Variants in COL19A1 observed in about 807,000 individuals in gnomAD.
COL19A1 encodes the protein collagen type XIX alpha 1 chain, also known as collagen alpha-1(XIX) chain.
Under a neutral mutation model 190.2 loss-of-function variants are expected in COL19A1, and 159 were observed. The observed-to-expected ratio is 0.84, with a 90% CI of 0.73 to 0.95. The LOEUF (loss-of-function observed/expected upper bound fraction) is 0.95, where lower values mean the gene tolerates loss of function less well. Among genes scored for constraint, COL19A1 ranks in the 40% least tolerant of loss-of-function variants. The pLI, the probability that COL19A1 is intolerant of heterozygous loss-of-function variation, is 0.00. For synonymous variants in COL19A1, 509 were observed against 458.9 expected, an observed-to-expected ratio of 1.11 and a Z score of -1.39; for missense variants, 1,418 against 1,431.9, an observed-to-expected ratio of 0.99 and a Z score of 0.16.
chr6:70,093,780 A>C (rs1319551118), intron 15 of COL19A1, among the ~76,000 whole-genome samples: 1 of 152,168 alleles, frequency 6.6e-6, no homozygotes, highest in African/African-American at 2.4e-5. Flanking sequence ...TCATTTATTG[A>C]ACTGTAGCTC....
At chr6:70,093,704 G>A (rs564978126) in intron 15 of COL19A1, among the ~76,000 whole-genome samples, 10 of 152,170 alleles carry the variant, frequency 6.6e-5, no homozygotes, top group South Asian at 6.2e-4. Context: ...GTGAATGATC[G>A]GGATACTCAC....
intron 15 of COL19A1, among the ~76,000 whole-genome samples, chr6:70,088,492 C>T (rs1782718734): frequency 6.6e-6 from 1 of 151,996 alleles, no homozygotes; most frequent in African/African-American, 2.4e-5. Flanking sequence ...AATATACACC[C>T]TTCTAAAATA....
At chr6:70,204,269 ATAAATGGGGAAAGCTGTTATTGACCTTGT>A in intron 49 of COL19A1, among the ~76,000 whole-genome samples, 1 of 152,328 alleles carries the variant, frequency 6.6e-6, no homozygotes, top group Non-Finnish European at 1.5e-5. Context: ...GCTTAATTCT[ATAAATGGGGAAAGCTGTTATTGACCTTGT>A]TAGCATTCCT....
In COL19A1 at chr6:70,007,901, G is replaced by A. The variant is rs150900031; in HGVS notation, c.1027-15726G>A. ...TTTTGGTCACAATGGAATTAAATTC[G>A]ACATCAATATTAGAAAAAATCTCTA... On this transcript the variant is annotated intron_variant, in intron 11 of 50. Coordinates refer to ENST00000620364, the MANE Select transcript of COL19A1 (RefSeq NM_001858.6). Among the ~76,000 whole-genome samples, 75 of 151,842 alleles carry A rather than the reference G, an allele frequency of 4.9e-4. 1 individual carries two copies. In the South Asian group the frequency reaches 0.01, roughly 21 times the overall value.
chr6:70,169,258 G>A (rs762392699), intron 40 of COL19A1, among the ~76,000 whole-genome samples: 20 of 152,126 alleles, frequency 1.3e-4, no homozygotes, highest in Non-Finnish European at 2.1e-4. Context: ...CTGAACCATG[G>A]AGCCTCTGTA....
chr6:70,083,431 A>G (rs1782396312), intron 15 of COL19A1, among the ~76,000 whole-genome samples: 1 of 152,080 alleles, frequency 6.6e-6, no homozygotes, highest in Admixed American at 6.6e-5. Context: ...TATACTTCAT[A>G]TGTGTTTATT....
At chr6:69,985,372 T>C (rs1462839578) in intron 11 of COL19A1, among the ~76,000 whole-genome samples, 1 of 152,158 alleles carries the variant, frequency 6.6e-6, no homozygotes, top group Non-Finnish European at 1.5e-5. Flanking sequence ...GAAACACCCT[T>C]ACTGCCATCC....
chr6:70,167,912 T>C (rs972176856), intron 37 of COL19A1, 113 bp from the exon 38 acceptor site: 19 of 733,912 alleles, frequency 2.6e-5, no homozygotes, highest in Middle Eastern at 4.2e-4. Flanking sequence ...TAAAATAGAA[T>C]AGAAAAAAGT....
At chr6:70,142,728 T>C (rs201226212) in intron 22 of COL19A1, 39 bp from the exon 23 acceptor site, 44 of 1,571,972 alleles carry the variant, frequency 2.8e-5, no homozygotes, top group Admixed American at 1.5e-4. Flanking sequence ...TTTTTTTCTT[T>C]TTTAGCAAAG....
chr6:70,118,195 T>C (rs1490226581), intron 16 of COL19A1, among the ~76,000 whole-genome samples: 1 of 152,220 alleles, frequency 6.6e-6, no homozygotes, highest in Non-Finnish European at 1.5e-5. Context: ...CCAGCCATAT[T>C]TCATACCAGA....
intron 14 of COL19A1, among the ~76,000 whole-genome samples, chr6:70,041,238 AG>A (rs1377679924): frequency 1.3e-5 from 2 of 152,236 alleles, no homozygotes; most frequent in African/African-American, 4.8e-5. Flanking sequence ...ACTTTTTGGA[AG>A]ATACCAAATT....
At chr6:70,084,129 C>G (rs1015703229) in intron 15 of COL19A1, among the ~76,000 whole-genome samples, 1 of 152,090 alleles carries the variant, frequency 6.6e-6, no homozygotes, top group East Asian at 1.9e-4. Context: ...AAAACACCCT[C>G]AAGTTTAACA....
intron 49 of COL19A1, among the ~76,000 whole-genome samples, chr6:70,200,433 G>T (rs1767478205): frequency 6.6e-6 from 1 of 152,150 alleles, no homozygotes; most frequent in Non-Finnish European, 1.5e-5. Flanking sequence ...AATAGGCCCA[G>T]GCTTAGAAGA....
intron 16 of COL19A1, among the ~76,000 whole-genome samples, chr6:70,115,843 G>C (rs545501511): frequency 3.8e-5 from 2 of 53,062 alleles, no homozygotes. Context: ...TTTTTTTTTT[G>C]GTGGGGAGAA....
At chr6:70,104,997 G>A (rs1783866113) in intron 16 of COL19A1, among the ~76,000 whole-genome samples, 1 of 152,140 alleles carries the variant, frequency 6.6e-6, no homozygotes. Flanking sequence ...ACTTTAGTTT[G>A]TTGCCAGAGT....
rs1023493305 is a variant in COL19A1, at chr6:70,109,549, T to A, written c.1278+7327T>A. Among the ~76,000 whole-genome samples the A allele has an allele frequency of 1.7e-4, 22 of 128,372 alleles. No homozygotes were observed. The South Asian group carries it at 5.1e-3, about 30-fold the overall frequency. 84.2% of individuals were successfully genotyped at this position (128,372 alleles called of 152,430 possible). A position where few individuals can be genotyped will look rare whatever the true frequency, so the allele number is the denominator to read the frequency against. ...TACATCTCCGTTTTGTAAGTGTGTG[T>A]GTGTGTGTGTGTGTGTGTGTGTGTG... On this transcript the variant is annotated intron_variant, in intron 16 of 50. Transcript: ENST00000620364.
At chr6:70,047,791 G>C (rs1011170088) in intron 14 of COL19A1, among the ~76,000 whole-genome samples, 27 of 151,970 alleles carry the variant, frequency 1.8e-4, no homozygotes, top group Non-Finnish European at 8.8e-5. Context: ...CATTACTAAG[G>C]CTTCAGAAGC....
chr6:70,184,585 C>G, intron 44 of COL19A1, 118 bp from the exon 45 acceptor site: 4 of 814,372 alleles, frequency 4.9e-6, no homozygotes, highest in Non-Finnish European at 5.9e-6. Flanking sequence ...TACCACCTTT[C>G]TTTACCAAGC....
intron 9 of COL19A1, among the ~76,000 whole-genome samples, chr6:69,942,520 T>G (rs937513059): frequency 6.6e-6 from 1 of 152,076 alleles, no homozygotes; most frequent in Non-Finnish European, 1.5e-5. Flanking sequence ...CTTCTCCCTA[T>G]CCCCACTCCC....
Sources: gnomAD v4.1 joint callset for allele counts (sites outside exome capture counted in the v4.1 genomes callset) on GRCh38, gnomAD v4.1.1 for gene constraint, MANE v1.5 for transcripts, NCBI Gene and HGNC (gene_info 2026-07-23, HGNC 2026-07-21) for gene names.